Variants in CSPP1 observed in about 807,000 individuals in gnomAD.
CSPP1 encodes centrosome and spindle pole associated protein 1, also known as centrosome and spindle pole-associated protein 1.
A neutral mutation model predicts 164.4 loss-of-function variants in CSPP1; 126 were observed. The observed-to-expected ratio is 0.77, with a 90% confidence interval of 0.66 to 0.89. CSPP1 has a LOEUF of 0.89. Among genes scored for constraint, CSPP1 ranks in the 40% least tolerant of loss-of-function variants. The pLI is 0.00. For synonymous variants in CSPP1, 472 were observed against 476.7 expected, an observed-to-expected ratio of 0.99 and a Z score of 0.13; for missense variants, 1,395 against 1,449.8, an observed-to-expected ratio of 0.96 and a Z score of 0.61.
intron 25 of CSPP1, chr8:67,173,559 GA>G (rs1830895630): frequency 6.6e-6 from 1 of 151,888 alleles, no homozygotes; most frequent in Non-Finnish European, 1.5e-5. Context: ...TCAAAATACA[GA>G]AAGATAGTAA....
chr8:67,170,891 G>A lies in CSPP1; in HGVS notation c.2829-1525G>A, dbSNP rs868031568. Among the ~76,000 whole-genome samples the A allele has an allele frequency of 4.0e-5, 6 of 151,728 alleles. No homozygotes were observed. The Middle Eastern group carries it at 0.01, about 258-fold the overall frequency. ...AAGCTCCACCTCCTTGGTTCACGCC[G>A]TTCTCCTGCCTCAGCCTCCTGAGTA... On this transcript the variant is annotated intron_variant, in intron 24 of 30. Transcript: ENST00000678616.
At chr8:67,191,366 A>T (rs957605470) in intron 29 of CSPP1, among the ~76,000 whole-genome samples, 20 of 152,356 alleles carry the variant, frequency 1.3e-4, no homozygotes, top group Middle Eastern at 3.4e-3. Flanking sequence ...CACTGAGCCA[A>T]GTATGCAGAG....
chr8:67,117,306 C>G (rs1387976185), intron 13 of CSPP1, among the ~76,000 whole-genome samples: 1 of 152,072 alleles, frequency 6.6e-6, no homozygotes, highest in East Asian at 1.9e-4. Context: ...GAAAGATATT[C>G]CCTACTGAAG....
intron 17 of CSPP1, among the ~76,000 whole-genome samples, chr8:67,140,698 C>A (rs1296654685): frequency 6.6e-6 from 1 of 152,058 alleles, no homozygotes; most frequent in Non-Finnish European, 1.5e-5. Context: ...ATAAACAAAC[C>A]CAAATTCTTA....
At chr8:67,172,131 G>A (rs182147591) in intron 24 of CSPP1, among the ~76,000 whole-genome samples, 1 of 151,286 alleles carries the variant, frequency 6.6e-6, no homozygotes, top group East Asian at 1.9e-4. Flanking sequence ...TTATAGGCAT[G>A]AGACACCATG....
intron 16 of CSPP1, chr8:67,135,384 A>G (rs1480900320): frequency 1.3e-5 from 2 of 151,620 alleles, no homozygotes; most frequent in East Asian, 3.9e-4. Flanking sequence ...GTGGTCTTGA[A>G]CTCCTGATCT....
chr8:67,140,197 C>A (rs2129555797), intron 17 of CSPP1, among the ~76,000 whole-genome samples: 1 of 152,270 alleles, frequency 6.6e-6, no homozygotes, highest in East Asian at 1.9e-4. Flanking sequence ...AATTCTCCTG[C>A]CTCAGCCTCC....
chr8:67,127,291 A>T (rs1163851119), intron 15 of CSPP1, among the ~76,000 whole-genome samples: 2 of 152,190 alleles, frequency 1.3e-5, no homozygotes, highest in Non-Finnish European at 2.9e-5. Context: ...GGTTTTGGAG[A>T]CATAGAAGTC....
intron 15 of CSPP1, among the ~76,000 whole-genome samples, chr8:67,122,578 T>C (rs149314280): frequency 9.2e-5 from 14 of 152,344 alleles, no homozygotes; most frequent in African/African-American, 3.1e-4. Flanking sequence ...TATAATTACA[T>C]TGCAGTAGGA....
intron 3 of CSPP1, among the ~76,000 whole-genome samples, chr8:67,078,841 C>T (rs1452824491): frequency 2.6e-5 from 4 of 152,138 alleles, no homozygotes; most frequent in South Asian, 2.1e-4. Context: ...AGCATGGTGG[C>T]GCAGGCCTAT....
intron 2 of CSPP1, among the ~76,000 whole-genome samples, chr8:67,076,214 T>A (rs1396900591): frequency 6.6e-6 from 1 of 152,232 alleles, no homozygotes; most frequent in Non-Finnish European, 1.5e-5. Context: ...TTCTATTTTT[T>A]AAAACTCTTA....
chr8:67,132,035 T>C lies in CSPP1; in HGVS notation c.1782T>C (p.Pro594=), dbSNP rs759106091. The C allele has an allele frequency of 6.2e-7, 1 of 1,613,702 alleles. No individual in the cohort carries two copies. The highest frequency in any genetic ancestry group is 1.3e-5 in the African/African-American group (1 of 74,910). Residue 594 remains proline, a synonymous_variant, in exon 16 of 31, where the codon CCT becomes CCC. Coordinates refer to ENST00000678616, the MANE Select transcript of CSPP1 (RefSeq NM_001382391.1). ...SGLIFEDKPK[P]SKQSLQSYQE... is the part of the protein sequence containing the mutation. ...TGATTTTTGAAGATAAACCGAAACCTTCCAAACAGTCACTTCAGTCTTACC... is the reference window on the plus strand; with the variant it reads ...TGATTTTTGAAGATAAACCGAAACCCTCCAAACAGTCACTTCAGTCTTACC...
chr8:67,079,020 G>C (rs1161955966), intron 3 of CSPP1, among the ~76,000 whole-genome samples: 2 of 152,084 alleles, frequency 1.3e-5, no homozygotes, highest in African/African-American at 4.8e-5. Context: ...ATTATTCTTT[G>C]ATCATTACAT....
chr8:67,164,840 A>G (rs1350459623), intron 24 of CSPP1, among the ~76,000 whole-genome samples: 2 of 152,234 alleles, frequency 1.3e-5, no homozygotes, highest in African/African-American at 2.4e-5. Context: ...CATTTTTGCC[A>G]GGAGTCATAA....
At chr8:67,085,466 T>TA (rs930462664) in intron 3 of CSPP1, among the ~76,000 whole-genome samples, 3 of 151,826 alleles carry the variant, frequency 2.0e-5, no homozygotes, top group African/African-American at 7.3e-5. Context: ...TCTTGTATGC[T>TA]AAAAAAAATC....
chr8:67,128,373 T>C (rs866788911), intron 15 of CSPP1, among the ~76,000 whole-genome samples: 15 of 152,156 alleles, frequency 9.9e-5, no homozygotes, highest in Middle Eastern at 6.8e-3. Flanking sequence ...ACCCCATCTC[T>C]ACTAAAAATA....
intron 9 of CSPP1, among the ~76,000 whole-genome samples, chr8:67,111,241 G>T (rs972621562): frequency 1.3e-5 from 2 of 152,104 alleles, no homozygotes; most frequent in African/African-American, 4.8e-5. Flanking sequence ...CAAAATTTTT[G>T]ATTAACTGGA....
At chr8:67,185,740 A>T (rs1051226310) in intron 28 of CSPP1, among the ~76,000 whole-genome samples, 9 of 152,160 alleles carry the variant, frequency 5.9e-5, no homozygotes, top group Middle Eastern at 3.2e-3. Flanking sequence ...AAGATGATGA[A>T]GATGATGATG....
intron 30 of CSPP1, 96 bp from the exon 31 acceptor site, chr8:67,195,285 TG>T: frequency 1.3e-6 from 1 of 796,742 alleles, no homozygotes; most frequent in Non-Finnish European, 2.3e-6. Flanking sequence ...TGTGGGGAAA[TG>T]CTGAGTTGTA....
Sources: allele counts gnomAD v4.1 joint callset (sites outside exome capture counted in the v4.1 genomes callset), GRCh38; gene constraint gnomAD v4.1.1; transcripts MANE v1.5; gene names NCBI Gene and HGNC (gene_info 2026-07-23, HGNC 2026-07-21).